Variants in SLC45A4 observed in about 807,000 individuals in gnomAD.
SLC45A4 encodes the protein polyamine-transporter SLC45A4.
In SLC45A4, 32 loss-of-function variants were observed where a neutral mutation model predicts 63.7. That is an observed-to-expected ratio of 0.50 (90% CI 0.38 to 0.67). The LOEUF is 0.67. SLC45A4 is among the 30% of genes least tolerant of loss of function. The pLI is 0.00. For synonymous variants in SLC45A4, 535 were observed against 510.0 expected, an observed-to-expected ratio of 1.05 and a Z score of -0.66; for missense variants, 1,027 against 1,157.7, an observed-to-expected ratio of 0.89 and a Z score of 1.64.
chr8:141,258,823 C>G (rs537222135), intron 1 of SLC45A4, among the ~76,000 whole-genome samples: 1 of 150,810 alleles, frequency 6.6e-6, no homozygotes, highest in Non-Finnish European at 1.5e-5. Context: ...CCCAGGAGTT[C>G]AAGGCTGAAG....
At chr8:141,280,771 C>T (rs575740667) in intron 1 of SLC45A4, among the ~76,000 whole-genome samples, 1 of 152,356 alleles carries the variant, frequency 6.6e-6, no homozygotes, top group South Asian at 2.1e-4. Context: ...CAGAGCCTGA[C>T]TCGCACAGGT....
intron 2 of SLC45A4, among the ~76,000 whole-genome samples, chr8:141,236,229 C>T (rs1827621436): frequency 6.6e-6 from 1 of 152,200 alleles, no homozygotes; most frequent in South Asian, 2.1e-4. Context: ...CACTGGCTTC[C>T]CAAGCCATGT....
chr8:141,211,666 G>A lies in SLC45A4; in HGVS notation c.2333C>T (p.Ser778Leu), dbSNP rs151336979. 4.1e-5 allele frequency: 65 copies of A among 1,603,720 alleles called. No homozygotes were observed. Among genetic ancestry groups the A allele is most frequent in the Non-Finnish European group, 4.4e-5 (52 of 1,174,954 alleles). Residue 778 changes from serine (S) to leucine (L), a missense_variant, in exon 9 of 9, where the codon TCG (serine) becomes TTG (leucine). Transcript: ENST00000517878. ...TPAGIDVCQI[S>L]SHWLVPQLLE... ...CAGCTGCGGCACCAGCCAATGTGAC[G>A]AGATCTGACAGACGTCAATACCTGC...
intron 2 of SLC45A4, among the ~76,000 whole-genome samples, chr8:141,234,907 T>C (rs1827544452): frequency 6.6e-6 from 1 of 152,172 alleles, no homozygotes; most frequent in Non-Finnish European, 1.5e-5. Flanking sequence ...GGAACGGCTG[T>C]CCCCCTTGGT....
chr8:141,215,776 A>G lies in SLC45A4; in HGVS notation c.1924T>C (p.Tyr642His). Residue 642 changes from tyrosine to histidine, a missense_variant, in exon 7 of 9, where the codon TAC becomes CAC. Transcript: ENST00000517878. The surrounding 1 kb of genome is among the most constrained non-coding windows in gnomAD (Gnocchi z 4.3). Reference protein sequence around the residue: ...SYCPYALLGQYHDIKQYIHHS... With the variant: ...SYCPYALLGQHHDIKQYIHHS... ...GGACGCACCTGCTTGATGTCATGGT[A>G]CTGGCCCAGCAGGGCGTACGGGCAG... 1 of 1,613,590 alleles carries G rather than the reference A, an allele frequency of 6.2e-7. No homozygotes were observed. Among genetic ancestry groups the G allele is most frequent in the Non-Finnish European group, 8.5e-7 (1 of 1,179,990 alleles).
intron 1 of SLC45A4, among the ~76,000 whole-genome samples, chr8:141,295,202 G>A (rs568470230): frequency 2.0e-5 from 3 of 152,320 alleles, no homozygotes; most frequent in Admixed American, 2.0e-4. Flanking sequence ...GCCCCTGTGG[G>A]TGAAGGGAAA....
At position 141,227,563 on chromosome 8, in the gene SLC45A4, C is replaced by A. The variant is rs1371923794; in HGVS notation, c.242-5798G>T. On this transcript the variant is annotated intron_variant, in intron 2 of 8. Coordinates refer to ENST00000517878, the MANE Select transcript of SLC45A4 (RefSeq NM_001286646.2). This position sits in a 1 kb window ranked among gnomAD's most constrained non-coding sequence, Gnocchi z 4.4. ...TTAAGTCAAGGAACACTGTCAGGAG[C>A]CACTTCTGAAGGGCCCCAGACAGGA... 6.6e-6 allele frequency among the ~76,000 whole-genome samples: 1 copy of A among 152,292 alleles called. No homozygotes were observed. The highest frequency in any genetic ancestry group is 1.9e-4 in the East Asian group (1 of 5,166).
chr8:141,215,731 G>C lies in SLC45A4; in HGVS notation c.1941+28C>G. On this transcript the variant is annotated intron_variant, in intron 7 of 8. Coordinates refer to ENST00000517878, the MANE Select transcript of SLC45A4 (RefSeq NM_001286646.2). This position sits in a 1 kb window ranked among gnomAD's most constrained non-coding sequence, Gnocchi z 4.3. ...GGGAAGGCACTCAGGAGGCTGGAGC[G>C]CAGATCTCAGGGCTACGGTGGACGC... is the stretch of plus-strand genomic sequence containing the variant. The C allele has an allele frequency of 6.2e-7, 1 of 1,607,296 alleles. No homozygotes were observed. Among genetic ancestry groups the C allele is most frequent in the South Asian group, 1.1e-5 (1 of 90,994 alleles).
chr8:141,214,192 C>CAAAAAAA (rs11292288), intron 7 of SLC45A4, among the ~76,000 whole-genome samples: 1 of 74,332 alleles, frequency 1.3e-5, no homozygotes. Flanking sequence ...ACTCTGTCTC[C>CAAAAAAA]AAAAAAAAAA....
chr8:141,290,719 T>C (rs1412233979), intron 1 of SLC45A4, among the ~76,000 whole-genome samples: 1 of 152,238 alleles, frequency 6.6e-6, no homozygotes, highest in African/African-American at 2.4e-5. Flanking sequence ...CACGTTGTCC[T>C]TGGGTCCAGA....
Position 141,221,776 on chromosome 8 carries a change from C to A in SLC45A4, c.242-11G>T. 6.2e-7 allele frequency: 1 copy of A among 1,608,524 alleles called. No individual in the cohort carries two copies. Among genetic ancestry groups the A allele is most frequent in the Non-Finnish European group, 8.5e-7 (1 of 1,176,862 alleles). On this transcript the variant is annotated splice_polypyrimidine_tract_variant and intron_variant, in intron 2 of 8. Transcript: ENST00000517878. ...ACTGCTCCGGAAGGCCTGCAAGGGA[C>A]ACGAGGGCCGTCGCACACGCAGGCA...
Position 141,254,236 on chromosome 8 carries a change from C to T in SLC45A4, c.-7G>A. ...TCTGCGGAGCCATTTTCATTACCACCAAAAATATATGTATTTATCTATATA... is the reference window on the plus strand; with the variant it reads ...TCTGCGGAGCCATTTTCATTACCACTAAAAATATATGTATTTATCTATATA... On this transcript the variant is annotated 5_prime_UTR_variant, in exon 2 of 9. Coordinates refer to ENST00000517878, the MANE Select transcript of SLC45A4 (RefSeq NM_001286646.2). This position sits in a 1 kb window ranked among gnomAD's most constrained non-coding sequence, Gnocchi z 4.5. The T allele has an allele frequency of 6.5e-7, 1 of 1,527,908 alleles. No individual in the cohort carries two copies. Among genetic ancestry groups the T allele is most frequent in the Non-Finnish European group, 8.8e-7 (1 of 1,142,268 alleles). 94.6% of individuals were successfully genotyped at this position (1,527,908 alleles called of 1,614,324 possible).
intron 2 of SLC45A4, among the ~76,000 whole-genome samples, chr8:141,245,213 T>C (rs547260371): frequency 8.5e-5 from 13 of 152,292 alleles, no homozygotes; most frequent in Middle Eastern, 3.4e-3. Flanking sequence ...AAGGAGATGC[T>C]GGTATCTGCT....
Position 141,254,532 on chromosome 8 carries a change from C to T in SLC45A4, c.-303G>A. 1.4e-6 allele frequency: 1 copy of T among 702,042 alleles called. No homozygotes were observed. The highest frequency in any genetic ancestry group is 2.0e-5 in the Admixed American group (1 of 49,988). The allele number at this position is 702,042 out of a possible 1,614,324, so 43.5% of individuals were successfully genotyped here. On this transcript the variant is annotated 5_prime_UTR_variant, in exon 2 of 9. Transcript: ENST00000517878. This position sits in a 1 kb window ranked among gnomAD's most constrained non-coding sequence, Gnocchi z 4.5. ...GTTAATACCAGTTTCATCATTATTA[C>T]TGAAGAGGTGCTGAAGTGATTTTTC...
At chr8:141,217,372 A>C (rs1826222937) in intron 5 of SLC45A4, among the ~76,000 whole-genome samples, 183 bp from the exon 6 acceptor site, 1 of 152,264 alleles carries the variant, frequency 6.6e-6, no homozygotes, top group Non-Finnish European at 1.5e-5. Flanking sequence ...CATGCCTCCC[A>C]GACCACGAAT....
At chr8:141,234,665 G>A (rs943313776) in intron 2 of SLC45A4, among the ~76,000 whole-genome samples, 1 of 152,196 alleles carries the variant, frequency 6.6e-6, no homozygotes, top group Non-Finnish European at 1.5e-5. Context: ...TCTCCTGCGC[G>A]CTGCCAGGAG....
rs572585551 is a variant in SLC45A4 at position 141,217,140 on chromosome 8, A to G, written c.1679T>C (p.Met560Thr). ...ATAAATGACCAGGCCCCAGCAGCCC[A>G]TCTTGACCCCGGCGTTGTAGGCTTG... ...AWQAYNAGVK[M>T]GCWGLVIYAA... The change falls in exon 6 of 9, where the codon ATG becomes ACG. Residue 560 changes from methionine to threonine, a missense_variant. Met to Thr is a moderately conservative substitution (Grantham distance 81). Coordinates refer to ENST00000517878, the MANE Select transcript of SLC45A4 (RefSeq NM_001286646.2). The G allele has an allele frequency of 3.7e-6, 6 of 1,614,034 alleles. No individual in the cohort carries two copies. Among genetic ancestry groups the G allele is most frequent in the Admixed American group, 1.7e-5 (1 of 60,032 alleles).
At position 141,254,168 on chromosome 8, in the gene SLC45A4, G is replaced by A; in HGVS notation, c.62C>T (p.Pro21Leu). 1.3e-6 allele frequency: 2 copies of A among 1,536,116 alleles called. No homozygotes were observed. Among genetic ancestry groups the A allele is most frequent in the Non-Finnish European group, 1.7e-6 (2 of 1,146,910 alleles). Residue 21 changes from proline (P) to leucine (L), a missense_variant, in exon 2 of 9, where the codon CCC (proline) becomes CTC (leucine). By Grantham distance (98) the Pro-to-Leu change is moderately conservative. Transcript: ENST00000517878. The surrounding 1 kb of genome is among the most constrained non-coding windows in gnomAD (Gnocchi z 4.5). Reference sequence around the variant, plus strand: ...TCCGGCTTTCTGCGGGTCCGGCAGGGGCACGGATAACTCTTGAACTTGCAT... The same window carrying A: ...TCCGGCTTTCTGCGGGTCCGGCAGGAGCACGGATAACTCTTGAACTTGCAT... ...ESMQVQELSVPLPDPQKAGGA... is the reference protein window; with the variant it reads ...ESMQVQELSVLLPDPQKAGGA...
chr8:141,298,792 G>A (rs1830647118), intron 1 of SLC45A4, among the ~76,000 whole-genome samples: 1 of 152,160 alleles, frequency 6.6e-6, no homozygotes, highest in African/African-American at 2.4e-5. Flanking sequence ...GCCCCCTCCA[G>A]CAGCAGCTAC....
Sources: gnomAD v4.1 joint callset for allele counts (sites outside exome capture counted in the v4.1 genomes callset) on GRCh38, gnomAD v4.1.1 for gene constraint, Gnocchi (gnomAD v3.1) non-coding constraint, MANE v1.5 for transcripts, NCBI Gene and HGNC (gene_info 2026-07-23, HGNC 2026-07-21) for gene names.